Variants in ENTREP2 observed in about 807,000 individuals in gnomAD.
ENTREP2 encodes the protein endosomal transmembrane epsin interactor 2.
At chr15:29,656,137 AAATAAAG>A in the ENTREP2 span, among the ~76,000 whole-genome samples, 26 of 152,286 alleles carry the variant, frequency 1.7e-4, no homozygotes, top group African/African-American at 5.1e-4. Context: ...TATCTTACAA[AAATAAAG>A]AATAAAGAAT....
At chr15:29,244,640 C>T in the ENTREP2 span, among the ~76,000 whole-genome samples, 24 of 152,306 alleles carry the variant, frequency 1.6e-4, no homozygotes, top group Admixed American at 1.1e-3. Flanking sequence ...CTTGGGCCTC[C>T]GTGAAGACAA....
At chr15:29,613,261 C>T in the ENTREP2 span, 9,638 of 170,918 alleles carry the variant, frequency 0.056, 1,037 homozygotes, top group African/African-American at 0.22. Context: ...TGGCTTCTAG[C>T]GCATCGGGTA....
the ENTREP2 span, among the ~76,000 whole-genome samples, chr15:29,557,075 T>C: frequency 1.3e-5 from 2 of 152,158 alleles, no homozygotes; most frequent in African/African-American, 4.8e-5. Flanking sequence ...AGAACACAGA[T>C]GTAAAAGATT....
At chr15:29,473,764 G>A in the ENTREP2 span, among the ~76,000 whole-genome samples, 25 of 152,232 alleles carry the variant, frequency 1.6e-4, no homozygotes, top group African/African-American at 4.3e-4. Flanking sequence ...TCAAGAAACC[G>A]CCTGAGGCTG....
chr15:29,376,109 A>C, the ENTREP2 span: 1 of 152,180 alleles, frequency 6.6e-6, no homozygotes, highest in African/African-American at 2.4e-5. Flanking sequence ...AAACTGTCCT[A>C]AACTGTAACT....
the ENTREP2 span, among the ~76,000 whole-genome samples, chr15:29,651,008 C>A: frequency 6.6e-6 from 1 of 152,272 alleles, no homozygotes; most frequent in Non-Finnish European, 1.5e-5. Flanking sequence ...AGATAGAGAC[C>A]TCTGTCTCTA....
the ENTREP2 span, among the ~76,000 whole-genome samples, chr15:29,461,067 A>G: frequency 6.6e-6 from 1 of 152,170 alleles, no homozygotes; most frequent in Non-Finnish European, 1.5e-5. Flanking sequence ...CGGCATCAAC[A>G]CGAGGATGAC....
the ENTREP2 span, among the ~76,000 whole-genome samples, chr15:29,640,034 G>A: frequency 6.6e-6 from 1 of 152,150 alleles, no homozygotes; most frequent in Non-Finnish European, 1.5e-5. Context: ...CTCCCAAAGT[G>A]CTGTGATTAC....
the ENTREP2 span, chr15:29,265,155 A>T: frequency 6.6e-6 from 1 of 152,198 alleles, no homozygotes; most frequent in African/African-American, 2.4e-5. Context: ...AAAAACTCTT[A>T]ACAGCAAACA....
At chr15:29,222,565 G>T in the ENTREP2 span, among the ~76,000 whole-genome samples, 1 of 152,166 alleles carries the variant, frequency 6.6e-6, no homozygotes, top group Non-Finnish European at 1.5e-5. Context: ...GGCTGAGCAT[G>T]CTGAGTGGAC....
the ENTREP2 span, among the ~76,000 whole-genome samples, chr15:29,165,764 C>A: frequency 6.6e-6 from 1 of 152,096 alleles, no homozygotes; most frequent in Non-Finnish European, 1.5e-5. Context: ...GGTACCAATC[C>A]TTTTGACACT....
the ENTREP2 span, among the ~76,000 whole-genome samples, chr15:29,415,276 A>G: frequency 6.6e-6 from 1 of 152,240 alleles, no homozygotes; most frequent in African/African-American, 2.4e-5. Context: ...AACCGAATCC[A>G]GCAGCACATC....
the ENTREP2 span, among the ~76,000 whole-genome samples, chr15:29,602,906 TC>T: frequency 2.0e-5 from 3 of 152,282 alleles, no homozygotes; most frequent in East Asian, 5.8e-4. Flanking sequence ...AGGAAGGTTT[TC>T]CAGGCCAAGA....
the ENTREP2 span, among the ~76,000 whole-genome samples, chr15:29,274,919 G>A: frequency 2.6e-5 from 4 of 152,168 alleles, no homozygotes; most frequent in African/African-American, 9.7e-5. Context: ...TAAATTATGT[G>A]GGGAGGATAA....
chr15:29,361,628 C>T, the ENTREP2 span, among the ~76,000 whole-genome samples: 1 of 152,340 alleles, frequency 6.6e-6, no homozygotes, highest in Non-Finnish European at 1.5e-5. Flanking sequence ...GCTCAGGGCC[C>T]TGTGCAATGC....
At chr15:29,630,018 G>A in the ENTREP2 span, among the ~76,000 whole-genome samples, 1 of 152,160 alleles carries the variant, frequency 6.6e-6, no homozygotes, top group African/African-American at 2.4e-5. Flanking sequence ...TCGGGAGGCT[G>A]AGGCAGCAGA....
the ENTREP2 span, among the ~76,000 whole-genome samples, chr15:29,631,066 A>C: frequency 1.3e-5 from 2 of 152,136 alleles, no homozygotes; most frequent in African/African-American, 4.8e-5. Flanking sequence ...CATTCAGCAA[A>C]CTGTTTCTTT....
chr15:29,262,893 G>A, the ENTREP2 span, among the ~76,000 whole-genome samples: 1 of 152,160 alleles, frequency 6.6e-6, no homozygotes, highest in African/African-American at 2.4e-5. Context: ...AACTGAATTG[G>A]AGGACACCCA....
chr15:29,415,521 T>C, the ENTREP2 span, among the ~76,000 whole-genome samples: 1 of 152,106 alleles, frequency 6.6e-6, no homozygotes, highest in African/African-American at 2.4e-5. Context: ...GAGCTATCTA[T>C]GACAAACCCA....
Sources: gnomAD v4.1 joint callset for allele counts (sites outside exome capture counted in the v4.1 genomes callset) on GRCh38, gnomAD v4.1.1 for gene constraint, MANE v1.5 for transcripts, NCBI Gene and HGNC (gene_info 2026-07-23, HGNC 2026-07-21) for gene names.